EBF2: variants seen among roughly 807,000 people sequenced by gnomAD.
EBF2 encodes transcription factor COE2.
Under a neutral mutation model 72.8 loss-of-function variants are expected in EBF2, and 21 were observed. The ratio of observed to expected loss-of-function variants is 0.29; its 90% CI spans 0.20 to 0.42. EBF2 has a LOEUF of 0.42. EBF2 is among the 10% of genes least tolerant of loss of function. EBF2 has a pLI of 1.00. For missense variants in EBF2, 637 were observed against 731.2 expected (o/e 0.87, Z 1.49); for synonymous variants, 299 against 274.2 (o/e 1.09, Z -0.89).
chr8:25,889,687 A>G, intron 8 of EBF2, 65 bp downstream of exon 8: 1 of 1,274,646 alleles, frequency 7.8e-7, no homozygotes, highest in Non-Finnish European at 1.1e-6. Context: ...ATAAATTTGA[A>G]GTTCGAACAA....
intron 6 of EBF2, among the ~76,000 whole-genome samples, chr8:25,986,967 G>C (rs991624787): frequency 2.0e-5 from 3 of 152,166 alleles, no homozygotes; most frequent in Non-Finnish European, 2.9e-5. Flanking sequence ...ACCCCCATCA[G>C]CTCTGTGACA....
chr8:25,862,313 C>T (rs761309238), intron 11 of EBF2, among the ~76,000 whole-genome samples: 8 of 152,154 alleles, frequency 5.3e-5, no homozygotes, highest in Non-Finnish European at 8.8e-5. Context: ...TAGATACCTA[C>T]GTACATAGTA....
intron 6 of EBF2, among the ~76,000 whole-genome samples, chr8:25,945,048 C>T (rs1399220002): frequency 6.6e-6 from 1 of 151,856 alleles, no homozygotes; most frequent in East Asian, 1.9e-4. Context: ...TGCTCTTATT[C>T]CATGGGACAA....
At chr8:25,965,576 T>A (rs1286424270) in intron 6 of EBF2, among the ~76,000 whole-genome samples, 1 of 152,214 alleles carries the variant, frequency 6.6e-6, no homozygotes, top group Non-Finnish European at 1.5e-5. Context: ...ATCTGTCAAC[T>A]TTCAGCAGGA....
chr8:25,953,189 C>T (rs1014239511), intron 6 of EBF2, among the ~76,000 whole-genome samples: 2 of 152,164 alleles, frequency 1.3e-5, no homozygotes, highest in South Asian at 2.1e-4. Context: ...TTGACCATGG[C>T]GAGTGGACTG....
intron 7 of EBF2, among the ~76,000 whole-genome samples, chr8:25,899,783 C>T (rs1338185942): frequency 2.6e-5 from 4 of 152,130 alleles, no homozygotes; most frequent in African/African-American, 4.8e-5. Flanking sequence ...CATTCATTTG[C>T]CCCATCGTTC....
At chr8:26,039,161 G>A (rs781621766) in intron 5 of EBF2, among the ~76,000 whole-genome samples, 2 of 151,802 alleles carry the variant, frequency 1.3e-5, no homozygotes, top group East Asian at 1.9e-4. Flanking sequence ...CCGGGCACAC[G>A]TTAGGCACTC....
chr8:25,956,438 A>G (rs1197550396), intron 6 of EBF2, among the ~76,000 whole-genome samples: 1 of 152,148 alleles, frequency 6.6e-6, no homozygotes, highest in African/African-American at 2.4e-5. Flanking sequence ...ATTATAATGA[A>G]GTATAAATTT....
chr8:26,033,207 G>T, intron 5 of EBF2, 54 bp from the exon 6 acceptor site: 2 of 1,542,840 alleles, frequency 1.3e-6, no homozygotes, highest in Middle Eastern at 1.7e-4. Context: ...TCAAGAAAAT[G>T]CAATGAGCAC....
chr8:26,000,896 G>A (rs1804712567), intron 6 of EBF2, among the ~76,000 whole-genome samples: 1 of 152,182 alleles, frequency 6.6e-6, no homozygotes, highest in Non-Finnish European at 1.5e-5. Context: ...GTTGTATTAT[G>A]GATAGACTGC....
chr8:25,849,775 TAGAAACTA>T (rs1801921875), intron 15 of EBF2, among the ~76,000 whole-genome samples: 1 of 152,226 alleles, frequency 6.6e-6, no homozygotes, highest in Non-Finnish European at 1.5e-5. Context: ...CTTTTGTTCT[TAGAAACTA>T]TGACTTTTCT....
At chr8:25,872,089 T>C (rs1469090732) in intron 10 of EBF2, among the ~76,000 whole-genome samples, 2 of 152,150 alleles carry the variant, frequency 1.3e-5, no homozygotes, top group Non-Finnish European at 1.5e-5. Context: ...GCTTACCCCA[T>C]CTTATACTTC....
intron 9 of EBF2, 85 bp downstream of exon 9, chr8:25,887,757 T>TA: frequency 7.1e-7 from 1 of 1,400,146 alleles, no homozygotes; most frequent in Non-Finnish European, 9.4e-7. Context: ...TATGCTTTTT[T>TA]ACCCTTGGTG....
At chr8:25,847,110 A>G (rs1801856256) in intron 15 of EBF2, among the ~76,000 whole-genome samples, 1 of 152,172 alleles carries the variant, frequency 6.6e-6, no homozygotes, top group South Asian at 2.1e-4. Flanking sequence ...TTAACTAAGA[A>G]TGGTGATAAT....
At chr8:25,958,120 C>G (rs1226938839) in intron 6 of EBF2, among the ~76,000 whole-genome samples, 2 of 152,140 alleles carry the variant, frequency 1.3e-5, no homozygotes, top group Non-Finnish European at 2.9e-5. Flanking sequence ...CCAGAGGCAT[C>G]CCGGTTATTT....
In EBF2 at chr8:25,948,574, C is replaced by A. The variant is rs189760918; in HGVS notation, c.552-40019G>T. Among the ~76,000 whole-genome samples the A allele has an allele frequency of 3.3e-5, 5 of 152,290 alleles. No individual in the cohort carries two copies. The East Asian group carries it at 9.6e-4, about 29-fold the overall frequency. On this transcript the variant is annotated intron_variant, in intron 6 of 15. Transcript: ENST00000520164. ...TTATAACTACATTAAAAAGGAAATG[C>A]GCTTTGCTGTGTGCCTTCACTCAAG...
intron 10 of EBF2, among the ~76,000 whole-genome samples, chr8:25,875,598 T>C (rs1156233394): frequency 6.6e-6 from 1 of 152,216 alleles, no homozygotes; most frequent in Admixed American, 6.5e-5. Context: ...TAGCACATCA[T>C]ACTGACTGGA....
chr8:25,908,433 G>T, intron 7 of EBF2, 41 bp downstream of exon 7: 1 of 1,431,084 alleles, frequency 7.0e-7, no homozygotes, highest in Non-Finnish European at 9.7e-7. Flanking sequence ...AGAGAAAACA[G>T]GATGACTTAT....
At chr8:25,935,599 A>C (rs142582905) in intron 6 of EBF2, among the ~76,000 whole-genome samples, 1 of 152,220 alleles carries the variant, frequency 6.6e-6, no homozygotes, top group Non-Finnish European at 1.5e-5. Flanking sequence ...CTTGTTTCTC[A>C]ATGACAAGGG....
Sources: allele counts gnomAD v4.1 joint callset (sites outside exome capture counted in the v4.1 genomes callset), GRCh38; gene constraint gnomAD v4.1.1; transcripts MANE v1.5; gene names NCBI Gene and HGNC (gene_info 2026-07-23, HGNC 2026-07-21).